STK11: variants seen among roughly 807,000 people sequenced by gnomAD.
STK11 encodes serine/threonine kinase 11.
Under a neutral mutation model 47.3 loss-of-function variants are expected in STK11, and 8 were observed. That is an observed-to-expected ratio of 0.17 (90% confidence interval 0.10 to 0.31). The LOEUF is 0.31. Ranked by LOEUF, STK11 falls within the 10% of genes least tolerant of loss-of-function variation. The pLI is 1.00. For missense variants in STK11, 475 were observed against 605.0 expected (o/e 0.79, Z 2.25); for synonymous variants, 330 against 255.8 (o/e 1.29, Z -2.77).
intron 1 of STK11, among the ~76,000 whole-genome samples, chr19:1,210,541 T>C (rs530241003): frequency 6.6e-6 from 1 of 152,288 alleles, no homozygotes; most frequent in South Asian, 2.1e-4. Flanking sequence ...AGTATAATCT[T>C]ATTAGAAATA....
rs941613349 is a variant in STK11, at chr19:1,228,024, G to C, written c.*448G>C. On this transcript the variant is annotated 3_prime_UTR_variant, in exon 10 of 10. Transcript: ENST00000326873. Reference sequence around the variant, plus strand: ...CACCTGGAAGCCGCGCGGCCGCTTTGGTTTTTTGTTTGGTTGGTTCCATTT... The same window carrying C: ...CACCTGGAAGCCGCGCGGCCGCTTTCGTTTTTTGTTTGGTTGGTTCCATTT... The C allele has an allele frequency of 1.1e-5, 12 of 1,063,818 alleles. No homozygotes were observed. The highest frequency in any genetic ancestry group is 1.6e-5 in the African/African-American group (1 of 60,902). The allele number at this position is 1,063,818 out of a possible 1,614,324, so 65.9% of individuals were successfully genotyped here.
Position 1,228,233 on chromosome 19 carries a change from C to T in STK11, c.*657C>T, listed in dbSNP as rs2080842801. The T allele has an allele frequency of 1.4e-6, 1 of 698,560 alleles. No homozygotes were observed. Among genetic ancestry groups the T allele is most frequent in the Non-Finnish European group, 1.8e-6 (1 of 544,658 alleles). 43.3% of individuals were successfully genotyped at this position (698,560 alleles called of 1,614,324 possible). ...CCGGAGGGCAGGACCCTCACCTCTCCCCCAAGGCCACTGCGCTCTTGGGAC... is the reference window on the plus strand; with the variant it reads ...CCGGAGGGCAGGACCCTCACCTCTCTCCCAAGGCCACTGCGCTCTTGGGAC... On this transcript the variant is annotated 3_prime_UTR_variant, in exon 10 of 10. Transcript: ENST00000326873.
intron 8 of STK11, chr19:1,225,418 C>T (rs570864390): frequency 1.3e-4 from 104 of 774,954 alleles, no homozygotes; most frequent in Non-Finnish European, 1.5e-4. Context: ...TACAAGTGCG[C>T]GCCAGCATGC....
rs770916046 is a variant in STK11, at chr19:1,221,336, G to A, written c.858G>A (p.Leu286=). 3 of 1,607,216 alleles carry A rather than the reference G, an allele frequency of 1.9e-6. No homozygotes were observed. In the East Asian group the frequency reaches 6.7e-5, roughly 36 times the overall value. The change falls in exon 6 of 10, where the codon CTG becomes CTA. Residue 286 remains leucine (L), a synonymous_variant. Transcript: ENST00000326873. ...GTGGCCCCCCGCTCTCTGACCTGCT[G>A]AAAGGTGGGAGCCTCATCCCTCTGC... The part of the protein sequence containing the change: ...GDCGPPLSDL[L]KGMLEYEPAK...
intron 2 of STK11, among the ~76,000 whole-genome samples, chr19:1,218,869 C>T (rs2080761837): frequency 6.6e-6 from 1 of 152,222 alleles, no homozygotes; most frequent in South Asian, 2.1e-4. Flanking sequence ...TGGACACCCC[C>T]ATGGGTCTTA....
At chr19:1,210,342 C>T (rs1031347517) in intron 1 of STK11, among the ~76,000 whole-genome samples, 13 of 152,144 alleles carry the variant, frequency 8.5e-5, no homozygotes, top group East Asian at 5.8e-4. Flanking sequence ...GATTGTGTCT[C>T]GCAGCGAGTG....
rs2080822382 is a variant in STK11 at position 1,226,517 on chromosome 19, G to A, written c.1172G>A (p.Cys391Tyr). The A allele has an allele frequency of 6.2e-7, 1 of 1,610,210 alleles. No individual in the cohort carries two copies. Among genetic ancestry groups the A allele is most frequent in the Non-Finnish European group, 8.5e-7 (1 of 1,178,950 alleles). Residue 391 changes from cysteine to tyrosine, a missense_variant, in exon 9 of 10, where the codon TGT becomes TAT. Coordinates refer to ENST00000326873, the MANE Select transcript of STK11 (RefSeq NM_000455.5). ...CGCCGGGGCCTCCCCAAGGCCGTGT[G>A]TATGAACGGCACAGAGGCGGCGCAG... ...GQRRGLPKAV[C>Y]MNGTEAAQLS...
At chr19:1,219,014 C>A (rs2080762664) in intron 2 of STK11, among the ~76,000 whole-genome samples, 1 of 152,180 alleles carries the variant, frequency 6.6e-6, no homozygotes, top group Non-Finnish European at 1.5e-5. Context: ...CTGCATGGGC[C>A]CGAGCCTGCT....
intron 1 of STK11, among the ~76,000 whole-genome samples, chr19:1,208,571 G>C (rs2145408092): frequency 7.0e-6 from 1 of 142,630 alleles, no homozygotes; most frequent in Non-Finnish European, 1.5e-5. Context: ...GCCTCCCAAA[G>C]TGCTGGTACT....
At position 1,220,848 on chromosome 19, in the gene STK11, G is replaced by C; in HGVS notation, c.734+131G>C. The C allele has an allele frequency of 2.2e-6, 3 of 1,373,548 alleles. No individual in the cohort carries two copies. The South Asian group carries it at 4.4e-5, about 20-fold the overall frequency. The allele number at this position is 1,373,548 out of a possible 1,614,324, so 85.1% of individuals were successfully genotyped here. On this transcript the variant is annotated intron_variant, in intron 5 of 9. Transcript: ENST00000326873. Reference sequence around the variant, plus strand: ...GACCCTCTCTGGCCACAGCCGCTAGGGGGTGCTTACTTTATGGAAATGTAA... The same window carrying C: ...GACCCTCTCTGGCCACAGCCGCTAGCGGGTGCTTACTTTATGGAAATGTAA...
chr19:1,218,140 C>T (rs1346782091), intron 1 of STK11, among the ~76,000 whole-genome samples: 3 of 151,348 alleles, frequency 2.0e-5, no homozygotes, highest in African/African-American at 7.3e-5. Context: ...AAGACTCTGT[C>T]TCAGAAAAAA....
intron 1 of STK11, among the ~76,000 whole-genome samples, chr19:1,213,803 C>G (rs1338831852): frequency 1.3e-5 from 2 of 152,220 alleles, no homozygotes; most frequent in African/African-American, 2.4e-5. Context: ...GATTCAGGGA[C>G]CAGGGCACGC....
At chr19:1,210,425 G>C (rs1049842199) in intron 1 of STK11, among the ~76,000 whole-genome samples, 17 of 152,338 alleles carry the variant, frequency 1.1e-4, no homozygotes, top group African/African-American at 3.4e-4. Flanking sequence ...GATCACCAAG[G>C]GGGGTGGGTT....
In STK11 at chr19:1,220,725, C is replaced by T. The variant is rs561655034; in HGVS notation, c.734+8C>T. On this transcript the variant is annotated splice_region_variant and intron_variant, in intron 5 of 9. Coordinates refer to ENST00000326873, the MANE Select transcript of STK11 (RefSeq NM_000455.5). ...GTCGGCTGGGGTCACCCTGTAAGTG[C>T]CCCGCCCCCCCGGGCACTCACCACA... 7 of 1,602,644 alleles carry T rather than the reference C, an allele frequency of 4.4e-6. No homozygotes were observed. The South Asian group carries it at 6.6e-5, about 15-fold the overall frequency.
intron 1 of STK11, among the ~76,000 whole-genome samples, chr19:1,217,759 T>C (rs1256922893): frequency 6.6e-6 from 1 of 152,206 alleles, no homozygotes; most frequent in Non-Finnish European, 1.5e-5. Flanking sequence ...GGGACTGTAC[T>C]GTGTGACGGA....
Position 1,228,206 on chromosome 19 carries a change from G to A in STK11, c.*630G>A, listed in dbSNP as rs990393937. 14 of 953,400 alleles carry A rather than the reference G, an allele frequency of 1.5e-5. No individual in the cohort carries two copies. The highest frequency in any genetic ancestry group is 5.4e-5 in the Admixed American group (1 of 18,574). 59.1% of individuals were successfully genotyped at this position (953,400 alleles called of 1,614,324 possible). A position where few individuals can be genotyped will look rare whatever the true frequency, so the allele number is the denominator to read the frequency against. On this transcript the variant is annotated 3_prime_UTR_variant, in exon 10 of 10. Transcript: ENST00000326873. ...TCGGGTCACCCTGCTTTGGCGGCCCGGCCGGAGGGCAGGACCCTCACCTCT... is the reference window on the plus strand; with the variant it reads ...TCGGGTCACCCTGCTTTGGCGGCCCAGCCGGAGGGCAGGACCCTCACCTCT...
chr19:1,224,214 C>G lies in STK11; in HGVS notation c.1108+1042C>G, dbSNP rs574746388. ...CCCCGGGGGGTACAGTGTCTGGGGGCCCCCCAGGAGGATGCAGCATGTGGG... is the reference window on the plus strand; with the variant it reads ...CCCCGGGGGGTACAGTGTCTGGGGGGCCCCCAGGAGGATGCAGCATGTGGG... On this transcript the variant is annotated intron_variant, in intron 8 of 9. Coordinates refer to ENST00000326873, the MANE Select transcript of STK11 (RefSeq NM_000455.5). 186 of 984,596 alleles carry G rather than the reference C, an allele frequency of 1.9e-4. No homozygotes were observed. In the African/African-American group the frequency reaches 3.0e-3, roughly 16 times the overall value. The allele number at this position is 984,596 out of a possible 1,614,324, so 61.0% of individuals were successfully genotyped here. A position where few individuals can be genotyped will look rare whatever the true frequency, so the allele number is the denominator to read the frequency against.
At chr19:1,218,279 C>T (rs1487501918) in intron 1 of STK11, 138 bp from the exon 2 acceptor site, 1 of 758,726 alleles carries the variant, frequency 1.3e-6, no homozygotes, top group African/African-American at 1.7e-5. Flanking sequence ...TCCCACAGCA[C>T]TGTGAACTCA....
rs2145405359 is a variant in STK11, at chr19:1,207,098, A to G, written c.185A>G (p.Lys62Arg). 1 of 1,613,950 alleles carries G rather than the reference A, an allele frequency of 6.2e-7. No individual in the cohort carries two copies. Among genetic ancestry groups the G allele is most frequent in the Non-Finnish European group, 8.5e-7 (1 of 1,179,864 alleles). ...GDLLGEGSYGKVKEVLDSETL... is the reference protein window; with the variant it reads ...GDLLGEGSYGRVKEVLDSETL... ...CTGCTGGGGGAAGGCTCTTACGGCA[A>G]GGTGAAGGAGGTGCTGGACTCGGAG... Residue 62 changes from lysine to arginine, a missense_variant, in exon 1 of 10, where the codon AAG becomes AGG. Physicochemically the swap from Lys to Arg is conservative, Grantham distance 26. Transcript: ENST00000326873.
Sources: gnomAD v4.1 joint callset for allele counts (sites outside exome capture counted in the v4.1 genomes callset) on GRCh38, gnomAD v4.1.1 for gene constraint, MANE v1.5 for transcripts, NCBI Gene and HGNC (gene_info 2026-07-23, HGNC 2026-07-21) for gene names.